ANKS1B: variants seen among roughly 807,000 people sequenced by gnomAD.
ANKS1B encodes ankyrin repeat and sterile alpha motif domain-containing protein 1B.
ANKS1B carries 36 observed loss-of-function variants against 148.3 expected under a neutral mutation model. The observed-to-expected ratio is 0.24, with a 90% confidence interval of 0.19 to 0.32. ANKS1B has a LOEUF of 0.32. Ranked by LOEUF, ANKS1B falls within the 10% of genes least tolerant of loss-of-function variation. The pLI is 1.00. For missense variants in ANKS1B, 1,157 were observed against 1,542.6 expected (o/e 0.75, Z 4.19); for synonymous variants, 542 against 560.8 (o/e 0.97, Z 0.47).
intron 14 of ANKS1B, among the ~76,000 whole-genome samples, chr12:99,164,384 T>A (rs1004266104): frequency 3.3e-5 from 5 of 152,140 alleles, no homozygotes; most frequent in Non-Finnish European, 7.4e-5. Flanking sequence ...ATTTTATCCA[T>A]TCCATCTTAT....
intron 1 of ANKS1B, among the ~76,000 whole-genome samples, chr12:99,945,680 C>T (rs2095042814): frequency 6.6e-6 from 1 of 152,134 alleles, no homozygotes; most frequent in South Asian, 2.1e-4. Context: ...ATCCAGAACA[C>T]CAAGGCAGCA....
At chr12:99,474,904 T>G (rs1406816703) in intron 10 of ANKS1B, among the ~76,000 whole-genome samples, 1 of 152,040 alleles carries the variant, frequency 6.6e-6, no homozygotes, top group African/African-American at 2.4e-5. Flanking sequence ...ATATTTATTT[T>G]TGTTGATTAC....
chr12:98,745,583 T>C lies in ANKS1B; in HGVS notation c.*156A>G, dbSNP rs2097863070. ...TTTCCATCACTGGTGCAGAAAGAAC[T>C]TCCCCAGGAATGGCCAGTGGCCTTT... is the stretch of plus-strand genomic sequence containing the variant. On this transcript the variant is annotated 3_prime_UTR_variant, in exon 27 of 27. Transcript: ENST00000683438. 7.1e-7 allele frequency: 1 copy of C among 1,401,258 alleles called. No homozygotes were observed. The highest frequency in any genetic ancestry group is 9.3e-7 in the Non-Finnish European group (1 of 1,074,300). 86.8% of individuals were successfully genotyped at this position (1,401,258 alleles called of 1,614,324 possible).
chr12:99,155,749 C>T (rs2075964640), intron 14 of ANKS1B, among the ~76,000 whole-genome samples: 2 of 152,192 alleles, frequency 1.3e-5, no homozygotes, highest in African/African-American at 4.8e-5. Flanking sequence ...AAAGGTTAGT[C>T]TAACCTTCTT....
rs974111857 is a variant in ANKS1B at position 99,891,935 on chromosome 12, T to C, written c.135-66546A>G. 2.0e-5 allele frequency among the ~76,000 whole-genome samples: 3 copies of C among 152,214 alleles called. No individual in the cohort carries two copies. In the South Asian group the frequency reaches 6.2e-4, roughly 31 times the overall value. On this transcript the variant is annotated intron_variant, in intron 1 of 26. Coordinates refer to ENST00000683438, the MANE Select transcript of ANKS1B (RefSeq NM_001352186.2). ...AGATTGGCCATATGTTGACAACTGA[T>C]AGTTCTTGGAGCTGAGAAAAGGATT... is the stretch of plus-strand genomic sequence containing the variant.
At chr12:99,636,706 T>C (rs897226844) in intron 9 of ANKS1B, among the ~76,000 whole-genome samples, 6 of 152,160 alleles carry the variant, frequency 3.9e-5, no homozygotes, top group African/African-American at 1.4e-4. Flanking sequence ...CAACCTCAAC[T>C]GGGACTCAAC....
At chr12:98,826,931 T>C (rs553114292) in intron 19 of ANKS1B, among the ~76,000 whole-genome samples, 3 of 152,236 alleles carry the variant, frequency 2.0e-5, no homozygotes, top group East Asian at 3.9e-4. Context: ...TAAAAAAGTA[T>C]ATAAATTTCA....
rs1455704892 is a variant in ANKS1B, at chr12:99,246,716, T to C, written c.1905A>G (p.Gly635=). The C allele has an allele frequency of 6.2e-7, 1 of 1,613,990 alleles. No individual in the cohort carries two copies. The highest frequency in any genetic ancestry group is 2.2e-5 in the East Asian group (1 of 44,876). The change falls in exon 13 of 27, where the codon GGA becomes GGG. Residue 635 remains glycine (G), a synonymous_variant. Transcript: ENST00000683438. ...TGTTTGCCAAACTGACTTCATCTTGTCCTTTTTCACATTGTTCTCTTTTCC... is the reference window on the plus strand; with the variant it reads ...TGTTTGCCAAACTGACTTCATCTTGCCCTTTTTCACATTGTTCTCTTTTCC... The part of the protein sequence containing the change: ...LYGKREQCEK[G]QDEVSLANSP...
intron 12 of ANKS1B, among the ~76,000 whole-genome samples, chr12:99,323,869 A>G (rs2085791395): frequency 6.6e-6 from 1 of 152,104 alleles, no homozygotes; most frequent in South Asian, 2.1e-4. Flanking sequence ...AGCGATTTAA[A>G]TTCTCATCTT....
intron 1 of ANKS1B, among the ~76,000 whole-genome samples, chr12:99,888,497 G>A (rs531999954): frequency 2.0e-5 from 3 of 152,284 alleles, no homozygotes; most frequent in South Asian, 4.1e-4. Flanking sequence ...GAAAACAAGT[G>A]GAGATAGCAA....
intron 2 of ANKS1B, among the ~76,000 whole-genome samples, chr12:99,812,540 CACACACACACACACACACAG>C (rs2068517340): frequency 2.1e-5 from 2 of 96,676 alleles, no homozygotes; most frequent in South Asian, 4.4e-4. Flanking sequence ...CACACACACA[CACACACACACACACACACAG>C]AGAGAGAGAG....
At chr12:99,447,467 T>C (rs1459801597) in intron 10 of ANKS1B, among the ~76,000 whole-genome samples, 2 of 151,914 alleles carry the variant, frequency 1.3e-5, no homozygotes, top group African/African-American at 4.8e-5. Flanking sequence ...TCTTAATTAA[T>C]TAAAGACTTA....
chr12:99,188,502 A>T (rs1271693799), intron 14 of ANKS1B, among the ~76,000 whole-genome samples: 1 of 152,206 alleles, frequency 6.6e-6, no homozygotes, highest in Non-Finnish European at 1.5e-5. Context: ...AGTCTCTCAG[A>T]CCACAGTGCA....
intron 17 of ANKS1B, among the ~76,000 whole-genome samples, chr12:98,836,867 A>C (rs2099366546): frequency 6.6e-6 from 1 of 152,214 alleles, no homozygotes; most frequent in Non-Finnish European, 1.5e-5. Context: ...ACAATACTGA[A>C]TTTCTGCTAC....
At chr12:99,497,104 C>G (rs1305166083) in intron 10 of ANKS1B, among the ~76,000 whole-genome samples, 1 of 152,116 alleles carries the variant, frequency 6.6e-6, no homozygotes, top group Non-Finnish European at 1.5e-5. Flanking sequence ...TTTGAGGATA[C>G]CCAAATCTAC....
chr12:98,802,459 A>C (rs954099776), intron 20 of ANKS1B, among the ~76,000 whole-genome samples: 4 of 152,138 alleles, frequency 2.6e-5, no homozygotes, highest in African/African-American at 4.8e-5. Context: ...GGAATGGCGT[A>C]CATAGGGTGC....
intron 14 of ANKS1B, among the ~76,000 whole-genome samples, chr12:99,209,172 A>T (rs980391264): frequency 6.6e-6 from 1 of 152,214 alleles, no homozygotes; most frequent in Non-Finnish European, 1.5e-5. Context: ...GGTTTTCAAA[A>T]GTCCAATTTG....
At chr12:99,051,423 A>G (rs1199707948) in intron 17 of ANKS1B, among the ~76,000 whole-genome samples, 3 of 152,246 alleles carry the variant, frequency 2.0e-5, no homozygotes, top group Non-Finnish European at 4.4e-5. Context: ...AATGTTACAT[A>G]GGGATATTTT....
chr12:99,587,708 A>T (rs995980834), intron 9 of ANKS1B, among the ~76,000 whole-genome samples: 2 of 152,196 alleles, frequency 1.3e-5, no homozygotes, highest in Non-Finnish European at 2.9e-5. Context: ...CGAATATAAA[A>T]AGTTTCACAT....
Sources: allele counts gnomAD v4.1 joint callset (sites outside exome capture counted in the v4.1 genomes callset), GRCh38; gene constraint gnomAD v4.1.1; transcripts MANE v1.5; gene names NCBI Gene and HGNC (gene_info 2026-07-23, HGNC 2026-07-21).